The following AHI1 variants were observed in gnomAD, a reference collection of about 807,000 sequenced individuals.
AHI1 encodes Abelson helper integration site 1.
Under a neutral mutation model 149.3 loss-of-function variants are expected in AHI1, and 123 were observed. That is an observed-to-expected ratio of 0.82 (90% CI 0.71 to 0.96). The LOEUF (loss-of-function observed/expected upper bound fraction) is 0.96. Ranked by LOEUF, AHI1 falls within the 40% of genes least tolerant of loss-of-function variation. The pLI, the probability that AHI1 is intolerant of heterozygous loss-of-function variation, is 0.00. For synonymous variants in AHI1, 475 were observed against 459.8 expected, an observed-to-expected ratio of 1.03 and a Z score of -0.42; for missense variants, 1,439 against 1,422.7, an observed-to-expected ratio of 1.01 and a Z score of -0.18.
chr6:135,298,556 C>G (rs907752632), intron 27 of AHI1, among the ~76,000 whole-genome samples: 4 of 152,188 alleles, frequency 2.6e-5, no homozygotes, highest in Admixed American at 2.6e-4. Flanking sequence ...ATGCTGGGCT[C>G]TAGTGTTTCC....
chr6:135,491,664 A>G (rs1795267755), intron 4 of AHI1, among the ~76,000 whole-genome samples: 1 of 152,214 alleles, frequency 6.6e-6, no homozygotes. Flanking sequence ...GGTCTGACAT[A>G]GTGTACATAG....
At chr6:135,479,672 A>G (rs757459284) in intron 5 of AHI1, among the ~76,000 whole-genome samples, 19 of 152,184 alleles carry the variant, frequency 1.2e-4, no homozygotes, top group Non-Finnish European at 1.8e-4. Flanking sequence ...TTCATGTTGA[A>G]ATAAGTTAAG....
chr6:135,442,798 T>C, intron 13 of AHI1, 84 bp from the exon 14 acceptor site: 1 of 1,171,644 alleles, frequency 8.5e-7, no homozygotes, highest in Non-Finnish European at 1.2e-6. Context: ...CTGTAGTTCT[T>C]TTAAGTCCTT....
intron 23 of AHI1, among the ~76,000 whole-genome samples, chr6:135,358,841 G>A (rs1014360666): frequency 4.6e-5 from 7 of 152,194 alleles, no homozygotes; most frequent in Admixed American, 3.9e-4. Flanking sequence ...ACGTGACACA[G>A]GGGATCTCAT....
chr6:135,475,725 T>G (rs575352090), intron 5 of AHI1, among the ~76,000 whole-genome samples: 3 of 152,174 alleles, frequency 2.0e-5, no homozygotes, highest in Non-Finnish European at 2.9e-5. Flanking sequence ...CTGGGGGGTG[T>G]ACCTGAAAGC....
intron 24 of AHI1, among the ~76,000 whole-genome samples, chr6:135,340,699 TTTTG>T (rs1582689929): frequency 2.6e-5 from 3 of 113,280 alleles, no homozygotes; most frequent in Non-Finnish European, 3.8e-5. Flanking sequence ...ATATATATGT[TTTTG>T]TTTGTAATTC....
intron 20 of AHI1, among the ~76,000 whole-genome samples, chr6:135,416,557 T>A (rs1025375142): frequency 4.6e-5 from 7 of 152,014 alleles, no homozygotes; most frequent in Non-Finnish European, 8.8e-5. Flanking sequence ...CCACTAAAAT[T>A]ATGTATAGAA....
chr6:135,315,952 A>C (rs1785883946), intron 26 of AHI1, among the ~76,000 whole-genome samples: 1 of 152,196 alleles, frequency 6.6e-6, no homozygotes, highest in Non-Finnish European at 1.5e-5. Context: ...ATTTTTGGCC[A>C]GAGAATTCTT....
intron 15 of AHI1, among the ~76,000 whole-genome samples, chr6:135,437,992 A>C (rs1562770034): frequency 6.6e-6 from 1 of 152,162 alleles, no homozygotes; most frequent in Non-Finnish European, 1.5e-5. Flanking sequence ...TATACTGAGC[A>C]CCACTGGATT....
chr6:135,490,393 C>G, intron 5 of AHI1: 1 of 649,384 alleles, frequency 1.5e-6, no homozygotes, highest in South Asian at 1.9e-5. Flanking sequence ...GGTCATTTTC[C>G]CCACTGTGTG....
chr6:135,448,975 G>A (rs1355258259), intron 11 of AHI1, among the ~76,000 whole-genome samples: 1 of 151,934 alleles, frequency 6.6e-6, no homozygotes, highest in Non-Finnish European at 1.5e-5. Flanking sequence ...CAGTATTTTA[G>A]TATATCTTCT....
intron 22 of AHI1, among the ~76,000 whole-genome samples, chr6:135,403,778 A>G (rs1327551670): frequency 6.6e-6 from 1 of 152,134 alleles, no homozygotes; most frequent in Non-Finnish European, 1.5e-5. Flanking sequence ...AAGTCAGAAT[A>G]TAGCTTGTTC....
At chr6:135,427,400 A>C in intron 19 of AHI1, 93 bp from the exon 20 acceptor site, 1 of 1,090,158 alleles carries the variant, frequency 9.2e-7, no homozygotes, top group South Asian at 1.6e-5. Context: ...ATTAGAAAAT[A>C]TTTATAGCAA....
chr6:135,371,646 A>G (rs535919166), intron 23 of AHI1, among the ~76,000 whole-genome samples: 41 of 152,294 alleles, frequency 2.7e-4, no homozygotes, highest in African/African-American at 9.6e-4. Flanking sequence ...CTAATCTTCT[A>G]TGTGAACATC....
intron 22 of AHI1, among the ~76,000 whole-genome samples, chr6:135,399,895 A>C (rs1230072364): frequency 1.3e-5 from 2 of 151,732 alleles, no homozygotes; most frequent in Non-Finnish European, 2.9e-5. Context: ...CAACATAATA[A>C]ATCTTTTTTT....
chr6:135,421,959 T>C lies in AHI1; in HGVS notation c.2764+5208A>G, dbSNP rs112039753. 4.7e-3 allele frequency among the ~76,000 whole-genome samples: 723 copies of C among 152,268 alleles called. 5 individuals carry two copies. The highest frequency in any genetic ancestry group is 0.016 in the African/African-American group (677 of 41,562). On this transcript the variant is annotated intron_variant, in intron 20 of 28. Coordinates refer to ENST00000265602, the MANE Select transcript of AHI1 (RefSeq NM_001134831.2). The stretch of plus-strand genomic sequence containing the variant: ...TTAATGACATAATCTTGTATAAGTA[T>C]GAGAATTATGTTATCTGAATGTGCT...
At chr6:135,396,808 T>C (rs909880370) in intron 22 of AHI1, among the ~76,000 whole-genome samples, 1 of 151,442 alleles carries the variant, frequency 6.6e-6, no homozygotes, top group African/African-American at 2.4e-5. Context: ...TACACACACA[T>C]CTTTGCACAC....
In AHI1 at chr6:135,340,646, TATACATAC is replaced by T. The variant is rs201413777; in HGVS notation, c.3166-17330_3166-17323del. On this transcript the variant is annotated intron_variant, in intron 24 of 28. Transcript: ENST00000265602. ...CAAAATATAAAAACCAGTACATATA[TATACATAC>T]ATACATATATATATATATATATATA... Among the ~76,000 whole-genome samples the T allele has an allele frequency of 4.1e-4, 27 of 66,498 alleles. 1 individual carries two copies. The highest frequency in any genetic ancestry group is 3.1e-3 in the East Asian group (7 of 2,230). 43.6% of individuals were successfully genotyped at this position (66,498 alleles called of 152,430 possible).
At chr6:135,306,596 A>C (rs1784560506) in intron 26 of AHI1, among the ~76,000 whole-genome samples, 1 of 152,188 alleles carries the variant, frequency 6.6e-6, no homozygotes, top group African/African-American at 2.4e-5. Context: ...AAATCTCATG[A>C]AGAGACAGTG....
Sources: allele counts gnomAD v4.1 joint callset (sites outside exome capture counted in the v4.1 genomes callset), GRCh38; gene constraint gnomAD v4.1.1; transcripts MANE v1.5; gene names NCBI Gene and HGNC (gene_info 2026-07-23, HGNC 2026-07-21).